CTNNA3: variants seen among roughly 807,000 people sequenced by gnomAD.
CTNNA3 encodes catenin alpha 3.
A neutral mutation model predicts 95.7 loss-of-function variants in CTNNA3; 76 were observed. That is an observed-to-expected ratio of 0.79 (90% confidence interval 0.66 to 0.96). CTNNA3 has a LOEUF of 0.96. CTNNA3 is among the 40% of genes least tolerant of loss of function. CTNNA3 has a pLI of 0.00. For synonymous variants in CTNNA3, 431 were observed against 374.4 expected, an observed-to-expected ratio of 1.15 and a Z score of -1.74; for missense variants, 1,191 against 1,089.8, an observed-to-expected ratio of 1.09 and a Z score of -1.31.
intron 5 of CTNNA3, among the ~76,000 whole-genome samples, chr10:67,444,149 A>T (rs1846650250): frequency 6.6e-6 from 1 of 152,202 alleles, no homozygotes; most frequent in Non-Finnish European, 1.5e-5. Flanking sequence ...GTTAGGTCCC[A>T]AAACAAGTCT....
chr10:66,880,460 A>G (rs1844803450), intron 7 of CTNNA3, among the ~76,000 whole-genome samples: 1 of 152,132 alleles, frequency 6.6e-6, no homozygotes, highest in Non-Finnish European at 1.5e-5. Context: ...ATGTTCAGCT[A>G]TTAATGTTTC....
chr10:67,636,827 T>A (rs1589517243), intron 2 of CTNNA3, among the ~76,000 whole-genome samples: 1 of 152,004 alleles, frequency 6.6e-6, no homozygotes, highest in Admixed American at 6.6e-5. Context: ...GGAAAACTAA[T>A]AAACGGAAAG....
chr10:66,982,885 G>A (rs1285077251), intron 7 of CTNNA3, among the ~76,000 whole-genome samples: 2 of 152,108 alleles, frequency 1.3e-5, no homozygotes, highest in South Asian at 2.1e-4. Context: ...AGGAAGAAGG[G>A]GAGAAGCATA....
intron 3 of CTNNA3, among the ~76,000 whole-genome samples, chr10:67,570,189 G>A (rs1014239426): frequency 6.6e-6 from 1 of 151,702 alleles, no homozygotes; most frequent in Non-Finnish European, 1.5e-5. Context: ...GAAACTTTCC[G>A]CCTTTCTTTT....
At chr10:66,466,907 T>G (rs1838939623) in intron 11 of CTNNA3, among the ~76,000 whole-genome samples, 1 of 152,150 alleles carries the variant, frequency 6.6e-6, no homozygotes, top group South Asian at 2.1e-4. Flanking sequence ...TTCTTCTTCA[T>G]GGCATTCATT....
chr10:66,378,989 G>C (rs1177033681), intron 12 of CTNNA3, among the ~76,000 whole-genome samples, 163 bp downstream of exon 12: 1 of 152,166 alleles, frequency 6.6e-6, no homozygotes, highest in Non-Finnish European at 1.5e-5. Flanking sequence ...TTACTTCTCA[G>C]TGATAAATTT....
intron 10 of CTNNA3, among the ~76,000 whole-genome samples, chr10:66,586,464 C>T (rs1205938923): frequency 5.9e-5 from 9 of 152,128 alleles, no homozygotes; most frequent in African/African-American, 1.9e-4. Flanking sequence ...CACTGCTGAC[C>T]TGGTGTTCTA....
intron 15 of CTNNA3, among the ~76,000 whole-genome samples, chr10:66,023,238 A>G (rs1396682556): frequency 2.0e-5 from 3 of 152,234 alleles, no homozygotes; most frequent in Non-Finnish European, 2.9e-5. Flanking sequence ...AATATTAAAA[A>G]TGGTTTTAAG....
At chr10:67,185,476 T>A (rs1862794289) in intron 6 of CTNNA3, among the ~76,000 whole-genome samples, 1 of 152,058 alleles carries the variant, frequency 6.6e-6, no homozygotes, top group Non-Finnish European at 1.5e-5. Flanking sequence ...TTTTTCTGTC[T>A]TACATGGGCA....
chr10:67,393,542 A>G (rs1844597437), intron 5 of CTNNA3, among the ~76,000 whole-genome samples: 1 of 152,176 alleles, frequency 6.6e-6, no homozygotes, highest in Non-Finnish European at 1.5e-5. Flanking sequence ...AAAAAAAATT[A>G]GAATGTACTA....
rs137929060 is a variant in CTNNA3 at position 67,088,156 on chromosome 10, T to G, written c.1047+92161A>C. Among the ~76,000 whole-genome samples, 1,057 of 151,500 alleles carry G rather than the reference T, an allele frequency of 7.0e-3. 14 individuals are homozygous for G. Among genetic ancestry groups the G allele is most frequent in the African/African-American group, 0.024 (1,013 of 41,408 alleles). ...TGCCAAATGGGGAGATAAGAAATGC[T>G]TTTCCTACATGGAATCCTCTGTCTT... On this transcript the variant is annotated intron_variant, in intron 7 of 17. Coordinates refer to ENST00000433211, the MANE Select transcript of CTNNA3 (RefSeq NM_013266.4).
chr10:66,057,469 CTGAA>C (rs1564608895), intron 15 of CTNNA3, among the ~76,000 whole-genome samples: 1 of 152,148 alleles, frequency 6.6e-6, no homozygotes, highest in African/African-American at 2.4e-5. Flanking sequence ...CTTATTTAAG[CTGAA>C]TGTTTGCTCA....
At chr10:66,878,382 A>G (rs1248827097) in intron 7 of CTNNA3, among the ~76,000 whole-genome samples, 3 of 152,130 alleles carry the variant, frequency 2.0e-5, no homozygotes, top group Non-Finnish European at 4.4e-5. Context: ...AGAGCAGTGC[A>G]TACAATTTCA....
intron 15 of CTNNA3, among the ~76,000 whole-genome samples, chr10:66,006,652 C>G (rs2078891948): frequency 1.3e-5 from 2 of 152,186 alleles, no homozygotes; most frequent in East Asian, 1.9e-4. Flanking sequence ...GCATTTTTTC[C>G]AGCTTCGCTT....
intron 13 of CTNNA3, among the ~76,000 whole-genome samples, chr10:66,124,147 T>G (rs547593011): frequency 6.6e-6 from 1 of 152,152 alleles, no homozygotes; most frequent in East Asian, 1.9e-4. Flanking sequence ...TATAACTGAA[T>G]GCCTTTAACA....
At chr10:66,486,802 C>T (rs1389278339) in intron 11 of CTNNA3, among the ~76,000 whole-genome samples, 2 of 150,866 alleles carry the variant, frequency 1.3e-5, no homozygotes, top group Non-Finnish European at 2.9e-5. Context: ...CATCAACAGA[C>T]GCATGGATGA....
chr10:67,017,772 T>C (rs563023939), intron 7 of CTNNA3, among the ~76,000 whole-genome samples: 2 of 152,118 alleles, frequency 1.3e-5, no homozygotes, highest in Admixed American at 1.3e-4. Flanking sequence ...CAATTTTATG[T>C]GTACAATTTT....
At chr10:65,937,745 A>T (rs2077365811) in intron 17 of CTNNA3, among the ~76,000 whole-genome samples, 1 of 152,168 alleles carries the variant, frequency 6.6e-6, no homozygotes, top group South Asian at 2.1e-4. Context: ...GGATAAGAAA[A>T]ACTCTAATTG....
intron 3 of CTNNA3, among the ~76,000 whole-genome samples, chr10:67,558,833 A>T (rs553857456): frequency 1.3e-5 from 2 of 152,322 alleles, no homozygotes; most frequent in African/African-American, 4.8e-5. Context: ...CCAGGAGATT[A>T]TATCCCGCAC....
Sources: gnomAD v4.1 joint callset for allele counts (sites outside exome capture counted in the v4.1 genomes callset) on GRCh38, gnomAD v4.1.1 for gene constraint, MANE v1.5 for transcripts, NCBI Gene and HGNC (gene_info 2026-07-23, HGNC 2026-07-21) for gene names.